Variants in TBC1D15 observed in about 807,000 individuals in gnomAD.
The protein encoded by TBC1D15 is GAP for RAB7.
TBC1D15 carries 39 observed loss-of-function variants against 95.4 expected under a neutral mutation model. That is an observed-to-expected ratio of 0.41 (90% CI 0.32 to 0.53). The LOEUF (loss-of-function observed/expected upper bound fraction) is 0.53, where lower values mean the gene tolerates loss of function less well. TBC1D15 is among the 20% of genes least tolerant of loss of function. The pLI is 0.29. For missense variants in TBC1D15, 733 were observed against 794.3 expected, an observed-to-expected ratio of 0.92 and a Z score of 0.93; for synonymous variants, 258 against 261.3, an observed-to-expected ratio of 0.99 and a Z score of 0.12.
At chr12:71,874,730 C>A (rs1299556051) in intron 3 of TBC1D15, among the ~76,000 whole-genome samples, 1 of 142,022 alleles carries the variant, frequency 7.0e-6, no homozygotes, top group East Asian at 2.3e-4. Flanking sequence ...TCAAACAATT[C>A]TCATGCCTCA....
intron 11 of TBC1D15, 190 bp downstream of exon 11, chr12:71,907,328 A>G (rs1319780621): frequency 1.5e-5 from 6 of 392,176 alleles, no homozygotes; most frequent in East Asian, 1.2e-4. Flanking sequence ...CAGCAAACTA[A>G]CAGGAGCACC....
At chr12:71,879,831 A>G (rs960466218) in intron 3 of TBC1D15, among the ~76,000 whole-genome samples, 1 of 152,202 alleles carries the variant, frequency 6.6e-6, no homozygotes, top group Non-Finnish European at 1.5e-5. Flanking sequence ...CTTTTGTCAT[A>G]TATTTTAGAA....
intron 1 of TBC1D15, among the ~76,000 whole-genome samples, chr12:71,864,121 G>A (rs996593094): frequency 5.3e-5 from 8 of 151,568 alleles, no homozygotes; most frequent in African/African-American, 1.9e-4. Flanking sequence ...CCAGGCTAAA[G>A]TGCAATGGCA....
chr12:71,864,716 A>G (rs2138183482), intron 1 of TBC1D15, among the ~76,000 whole-genome samples: 1 of 152,114 alleles, frequency 6.6e-6, no homozygotes, highest in South Asian at 2.1e-4. Context: ...TGTCTTGGCC[A>G]GGGTGGTCTT....
intron 1 of TBC1D15, among the ~76,000 whole-genome samples, chr12:71,854,095 C>T (rs529771029): frequency 3.9e-5 from 6 of 152,270 alleles, no homozygotes; most frequent in Non-Finnish European, 8.8e-5. Flanking sequence ...CACTGGACAC[C>T]TTCTGAGTTT....
At chr12:71,884,695 G>A in intron 4 of TBC1D15, 116 bp from the exon 5 acceptor site, 2 of 804,672 alleles carry the variant, frequency 2.5e-6, no homozygotes, top group Non-Finnish European at 4.1e-6. Context: ...AATAATATAA[G>A]TGCTATACTG....
intron 4 of TBC1D15, among the ~76,000 whole-genome samples, chr12:71,884,172 T>A (rs1301738433): frequency 6.6e-6 from 1 of 152,184 alleles, no homozygotes; most frequent in Non-Finnish European, 1.5e-5. Flanking sequence ...TCCAGTGTTA[T>A]TTTTTATATC....
chr12:71,890,606 T>A (rs557644072), intron 5 of TBC1D15, among the ~76,000 whole-genome samples: 1 of 152,266 alleles, frequency 6.6e-6, no homozygotes, highest in South Asian at 2.1e-4. Flanking sequence ...TTGCTAGTAA[T>A]CTAGGAATGG....
rs1888565821 is a variant in TBC1D15 at position 71,854,497 on chromosome 12, A to G, written c.30+14686A>G. ...ACTCTTAAGATGGTTTTTTCTCCCA[A>G]GATTTTACCATTTCCTTCTTGTTGG... On this transcript the variant is annotated intron_variant, in intron 1 of 16. Coordinates refer to ENST00000485960, the MANE Select transcript of TBC1D15 (RefSeq NM_001146213.3). The G allele has an allele frequency of 8.9e-6, 4 of 450,884 alleles. No individual in the cohort carries two copies. The Admixed American group carries it at 9.7e-5, about 11-fold the overall frequency. The allele number at this position is 450,884 out of a possible 1,614,324, so 27.9% of individuals were successfully genotyped here.
chr12:71,858,557 C>CTTTTTTTTTTTT (rs1320497569), intron 1 of TBC1D15, among the ~76,000 whole-genome samples: 1 of 93,358 alleles, frequency 1.1e-5, no homozygotes, highest in African/African-American at 4.0e-5. Flanking sequence ...TTTTCTTTTT[C>CTTTTTTTTTTTT]TTTTTTTTTT....
chr12:71,908,965 CTG>C, intron 11 of TBC1D15, among the ~76,000 whole-genome samples: 1 of 152,198 alleles, frequency 6.6e-6, no homozygotes, highest in Admixed American at 6.5e-5. Context: ...TCTGTTACCA[CTG>C]TAGGGAATAG....
chr12:71,906,570 T>C (rs975065899), intron 10 of TBC1D15, among the ~76,000 whole-genome samples: 5 of 151,772 alleles, frequency 3.3e-5, no homozygotes, highest in Non-Finnish European at 5.9e-5. Context: ...ATACTTCTTA[T>C]AATAAATGCA....
intron 3 of TBC1D15, among the ~76,000 whole-genome samples, chr12:71,875,990 G>C (rs532663919): frequency 1.3e-5 from 2 of 151,798 alleles, no homozygotes; most frequent in African/African-American, 4.8e-5. Context: ...TAGGAGAGAC[G>C]GGGTTTCACC....
intron 10 of TBC1D15, among the ~76,000 whole-genome samples, chr12:71,903,025 C>T (rs991569291): frequency 2.0e-5 from 3 of 152,166 alleles, no homozygotes; most frequent in Admixed American, 6.5e-5. Context: ...CAATTCTCTG[C>T]GTCAGCCTCC....
chr12:71,903,245 T>C (rs1899866638), intron 10 of TBC1D15, among the ~76,000 whole-genome samples: 1 of 152,084 alleles, frequency 6.6e-6, no homozygotes, highest in Admixed American at 6.5e-5. Flanking sequence ...ACATAAACAC[T>C]GCCAACCAAC....
intron 5 of TBC1D15, among the ~76,000 whole-genome samples, chr12:71,891,015 G>A (rs923052072): frequency 6.6e-6 from 1 of 152,072 alleles, no homozygotes; most frequent in African/African-American, 2.4e-5. Context: ...CAAATTTGTT[G>A]TATCATCAAA....
At position 71,923,915 on chromosome 12, in the gene TBC1D15, A is replaced by T. The variant is rs1416622792; in HGVS notation, c.*711A>T. ...CTTGATTTATATAACCTGGTTTATC[A>T]AAATTTAACATGGCTTCAGTATGAG... On this transcript the variant is annotated 3_prime_UTR_variant, in exon 17 of 17. Transcript: ENST00000485960. The T allele has an allele frequency of 6.6e-6, 1 of 152,580 alleles. No individual in the cohort carries two copies. The highest frequency in any genetic ancestry group is 2.4e-5 in the African/African-American group (1 of 41,466). 9.5% of individuals were successfully genotyped at this position (152,580 alleles called of 1,614,324 possible).
In TBC1D15 at chr12:71,854,924, T is replaced by G. The variant is rs1888682299; in HGVS notation, c.30+15113T>G. On this transcript the variant is annotated intron_variant, in intron 1 of 16. Transcript: ENST00000485960. Reference sequence around the variant, plus strand: ...AAAATTCCTTCAGTACCCTTGAGATTTGATTTAGATCCTATTTAAGACTTT... The same window carrying G: ...AAAATTCCTTCAGTACCCTTGAGATGTGATTTAGATCCTATTTAAGACTTT... 39 of 451,764 alleles carry G rather than the reference T, an allele frequency of 8.6e-5. 1 individual carries two copies. The highest frequency in any genetic ancestry group is 6.1e-4 in the South Asian group (39 of 63,448). The allele number at this position is 451,764 out of a possible 1,614,324, so 28.0% of individuals were successfully genotyped here. A position where few individuals can be genotyped will look rare whatever the true frequency, so the allele number is the denominator to read the frequency against.
In TBC1D15 at chr12:71,922,153, C is replaced by T. The variant is rs186302618; in HGVS notation, c.1803+699C>T. Reference sequence around the variant, plus strand: ...AGGCTGGAATGCAGTGGCGTGACCTCGGCTCACTGCAACCTTCTCCTCCTG... The same window carrying T: ...AGGCTGGAATGCAGTGGCGTGACCTTGGCTCACTGCAACCTTCTCCTCCTG... On this transcript the variant is annotated intron_variant, in intron 16 of 16. Transcript: ENST00000485960. Among the ~76,000 whole-genome samples, 1,029 of 152,216 alleles carry T rather than the reference C, an allele frequency of 6.8e-3. 6 individuals are homozygous for T. Among genetic ancestry groups the T allele is most frequent in the Non-Finnish European group, 0.011 (770 of 68,004 alleles).
Sources: allele counts gnomAD v4.1 joint callset (sites outside exome capture counted in the v4.1 genomes callset), GRCh38; gene constraint gnomAD v4.1.1; transcripts MANE v1.5; gene names NCBI Gene and HGNC (gene_info 2026-07-23, HGNC 2026-07-21).